Variants in SORBS2 observed in about 807,000 individuals in gnomAD.
SORBS2 encodes sorbin and SH3 domain-containing protein 2.
In SORBS2, 46 loss-of-function variants were observed where a neutral mutation model predicts 97.7. The observed-to-expected ratio is 0.47, with a 90% CI of 0.37 to 0.60. The LOEUF is 0.60. Among genes scored for constraint, SORBS2 ranks in the 20% least tolerant of loss-of-function variants. SORBS2 has a pLI of 0.00. For synonymous variants in SORBS2, 476 were observed against 473.4 expected (o/e 1.01, Z -0.07); for missense variants, 1,316 against 1,282.3 (o/e 1.03, Z -0.40).
At chr4:185,953,044 G>T (rs565177649) in intron 1 of SORBS2, among the ~76,000 whole-genome samples, 1 of 152,214 alleles carries the variant, frequency 6.6e-6, no homozygotes, top group Non-Finnish European at 1.5e-5. Context: ...GCCGGGCGCG[G>T]TGGCTCACGC....
intron 1 of SORBS2, among the ~76,000 whole-genome samples, chr4:185,784,200 CAGCTCACTGCA>C (rs2099045058): frequency 6.6e-6 from 1 of 152,174 alleles, no homozygotes; most frequent in African/African-American, 2.4e-5. Context: ...GACGGGATCT[CAGCTCACTGCA>C]AGCTCTGCCT....
chr4:185,706,651 A>G (rs779295992), intron 2 of SORBS2, among the ~76,000 whole-genome samples: 5 of 152,088 alleles, frequency 3.3e-5, no homozygotes, highest in African/African-American at 4.8e-5. Flanking sequence ...CCTCAGCTCC[A>G]TGCATTTGAG....
exon 4 of SORBS2, chr4:185,646,681 T>C: frequency 6.2e-7 from 1 of 1,609,296 alleles, no homozygotes; most frequent in Non-Finnish European, 8.5e-7. Context: ...TCTTTCATGC[T>C]GAAGAATTGA....
chr4:185,819,508 G>A (rs903306069), intron 1 of SORBS2, among the ~76,000 whole-genome samples: 2 of 152,222 alleles, frequency 1.3e-5, no homozygotes, highest in African/African-American at 2.4e-5. Context: ...TCAGCCGGAC[G>A]CCTTTTGGTC....
At chr4:185,779,807 T>C (rs2099018465) in intron 1 of SORBS2, among the ~76,000 whole-genome samples, 1 of 152,158 alleles carries the variant, frequency 6.6e-6, no homozygotes, top group African/African-American at 2.4e-5. Flanking sequence ...ATTCTCTTAG[T>C]CAAATATTTT....
chr4:185,620,005 G>T (rs2096691896), intron 8 of SORBS2, 58 bp downstream of exon 20: 1 of 1,052,984 alleles, frequency 9.5e-7, no homozygotes, highest in Non-Finnish European at 1.5e-6. Context: ...TTTTTGGCTG[G>T]TAAGTGCTGT....
intron 2 of SORBS2, among the ~76,000 whole-genome samples, chr4:185,766,932 C>T (rs1316612839): frequency 6.6e-6 from 1 of 151,846 alleles, no homozygotes; most frequent in African/African-American, 2.4e-5. Context: ...AATAATGTTT[C>T]TATTCTATCC....
Position 185,697,676 on chromosome 4 carries a change from C to G in SORBS2, c.-197-18854G>C, listed in dbSNP as rs182056418. 2.6e-3 allele frequency among the ~76,000 whole-genome samples: 390 copies of G among 152,282 alleles called. 1 individual carries two copies. The highest frequency in any genetic ancestry group is 4.1e-3 in the Non-Finnish European group (279 of 68,020). On this transcript the variant is annotated intron_variant, in intron 2 of 20. Transcript: ENST00000284776. ...GCGATGGCTGAATGGAAAGAGATGTCTATAAAATGTCACATAACAAATTGT... is the reference window on the plus strand; with the variant it reads ...GCGATGGCTGAATGGAAAGAGATGTGTATAAAATGTCACATAACAAATTGT...
At chr4:185,686,613 C>T (rs569789945) in intron 2 of SORBS2, among the ~76,000 whole-genome samples, 32 of 152,342 alleles carry the variant, frequency 2.1e-4, no homozygotes, top group African/African-American at 7.5e-4. Flanking sequence ...GATGTTATTG[C>T]TTCCAGGAGC....
At chr4:185,717,582 T>G (rs940679346) in intron 2 of SORBS2, among the ~76,000 whole-genome samples, 2 of 152,158 alleles carry the variant, frequency 1.3e-5, no homozygotes, top group South Asian at 4.1e-4. Context: ...CTTACACATA[T>G]AGGTAGAAGC....
intron 1 of SORBS2, among the ~76,000 whole-genome samples, chr4:185,854,490 C>T (rs569506090): frequency 1.9e-4 from 29 of 152,262 alleles, no homozygotes; most frequent in African/African-American, 6.7e-4. Flanking sequence ...TGGTGTAATT[C>T]ACATATGGGA....
intron 1 of SORBS2, among the ~76,000 whole-genome samples, chr4:185,942,929 A>G (rs562057837): frequency 1.3e-5 from 2 of 152,346 alleles, no homozygotes; most frequent in East Asian, 3.9e-4. Flanking sequence ...TGTGACTGAA[A>G]AAAATGTGGT....
intron 1 of SORBS2, among the ~76,000 whole-genome samples, chr4:185,890,626 T>C (rs1371272902): frequency 6.6e-6 from 1 of 152,212 alleles, no homozygotes. Flanking sequence ...CTCAGTGGTC[T>C]CACCTCTGCC....
chr4:185,746,349 C>T (rs2098760431), intron 2 of SORBS2, among the ~76,000 whole-genome samples: 1 of 152,150 alleles, frequency 6.6e-6, no homozygotes, highest in Non-Finnish European at 1.5e-5. Context: ...CAGAGTCTCA[C>T]TCTGTCGCCC....
chr4:185,806,314 A>G (rs2099153209), intron 1 of SORBS2, among the ~76,000 whole-genome samples: 1 of 152,232 alleles, frequency 6.6e-6, no homozygotes, highest in African/African-American at 2.4e-5. Flanking sequence ...CAACATAGCC[A>G]AAATCTCATT....
chr4:185,916,733 G>A (rs1396340276), intron 1 of SORBS2, among the ~76,000 whole-genome samples: 1 of 152,146 alleles, frequency 6.6e-6, no homozygotes, highest in Non-Finnish European at 1.5e-5. Context: ...GTCTGTAGAG[G>A]AGAGCGATGC....
At chr4:185,900,099 G>C (rs1024602616) in intron 1 of SORBS2, among the ~76,000 whole-genome samples, 1 of 152,152 alleles carries the variant, frequency 6.6e-6, no homozygotes, top group African/African-American at 2.4e-5. Context: ...CTGCACTCCA[G>C]CTCAGGCAAT....
At chr4:185,630,726 T>C (rs2096892424) in intron 4 of SORBS2, 128 bp from the exon 17 acceptor site, 5 of 626,848 alleles carry the variant, frequency 8.0e-6, no homozygotes, top group South Asian at 1.9e-5. Flanking sequence ...CCATTCATTA[T>C]GACTATAAAA....
At chr4:185,717,967 G>A (rs34643095) in intron 2 of SORBS2, among the ~76,000 whole-genome samples, 36,521 of 152,182 alleles carry the variant, frequency 0.24, 5,234 homozygotes, top group South Asian at 0.41. Context: ...ATGGCCGGGC[G>A]CAGTGGCTCA....
Sources: allele counts gnomAD v4.1 joint callset (sites outside exome capture counted in the v4.1 genomes callset), GRCh38; gene constraint gnomAD v4.1.1; transcripts MANE v1.5; gene names NCBI Gene and HGNC (gene_info 2026-07-23, HGNC 2026-07-21).